The following MLLT10 variants were observed in gnomAD, a reference collection of about 807,000 sequenced individuals.
The protein encoded by MLLT10 is protein AF-10.
MLLT10 carries 30 observed loss-of-function variants against 129.1 expected under a neutral mutation model. The ratio of observed to expected loss-of-function variants is 0.23; its 90% confidence interval spans 0.17 to 0.32. MLLT10 has a LOEUF of 0.32. Among genes scored for constraint, MLLT10 ranks in the 10% least tolerant of loss-of-function variants. The pLI is 1.00. For missense variants in MLLT10, 1,119 were observed against 1,268.3 expected, an observed-to-expected ratio of 0.88 and a Z score of 1.79; for synonymous variants, 490 against 446.4, an observed-to-expected ratio of 1.10 and a Z score of -1.23.
chr10:21,709,949 A>ATGT lies in MLLT10; in HGVS notation c.1700-3820_1700-3818dup, dbSNP rs2055914352. Among the ~76,000 whole-genome samples, 5 of 152,198 alleles carry ATGT rather than the reference A, an allele frequency of 3.3e-5. No homozygotes were observed. In the Middle Eastern group the frequency reaches 0.01, roughly 311 times the overall value. On this transcript the variant is annotated intron_variant, in intron 13 of 22. Transcript: ENST00000307729. Reference sequence around the variant, plus strand: ...TTTTTGGTAGAGATAGGATTTCACCATGTTGCCCAGGCTGGTCCTGGGCTC... The same window carrying ATGT: ...TTTTTGGTAGAGATAGGATTTCACCATGTTGTTGCCCAGGCTGGTCCTGGGCTC...
chr10:21,682,118 A>G (rs2052800589), intron 12 of MLLT10, 107 bp from the exon 13 acceptor site: 10 of 843,052 alleles, frequency 1.2e-5, no homozygotes, highest in Admixed American at 2.9e-5. Context: ...ATGATATATG[A>G]TAGACTTACT....
At chr10:21,682,368 C>T (rs139940302) in intron 13 of MLLT10, 111 bp downstream of exon 13, 115 of 1,002,616 alleles carry the variant, frequency 1.1e-4, no homozygotes, top group Non-Finnish European at 1.5e-4. Flanking sequence ...AAATCCAGTG[C>T]TGCAGTGAGT....
intron 8 of MLLT10, among the ~76,000 whole-genome samples, chr10:21,647,526 A>G (rs1292758203): frequency 6.6e-6 from 1 of 152,072 alleles, no homozygotes; most frequent in Non-Finnish European, 1.5e-5. Context: ...ATATGTTTAC[A>G]TTTTCTCTAG....
chr10:21,697,791 A>G (rs1260934924), intron 13 of MLLT10, among the ~76,000 whole-genome samples: 1 of 152,232 alleles, frequency 6.6e-6, no homozygotes, highest in African/African-American at 2.4e-5. Flanking sequence ...CTAGAAAGGG[A>G]AAGCCAAAGA....
chr10:21,617,207 A>G lies in MLLT10; in HGVS notation c.699A>G (p.Lys233=). 6.7e-7 allele frequency: 1 copy of G among 1,499,256 alleles called. No individual in the cohort carries two copies. Among genetic ancestry groups the G allele is most frequent in the Non-Finnish European group, 9.0e-7 (1 of 1,117,150 alleles). 92.9% of individuals were successfully genotyped at this position (1,499,256 alleles called of 1,614,324 possible). A position where few individuals can be genotyped will look rare whatever the true frequency, so the allele number is the denominator to read the frequency against. Residue 233 remains lysine (K), a splice_region_variant and synonymous_variant, in exon 8 of 23, where the codon AAA becomes AAG. Coordinates refer to ENST00000307729, the MANE Select transcript of MLLT10 (RefSeq NM_001195626.3). The part of the protein sequence containing the change: ...SQDKHHEKEK[K]KYKEKDKHKQ... ...ATAAACATCATGAGAAAGAGAAAAA[A>G]GTAAGTGGATTTGTTGTTGCTAAAT...
Position 21,538,919 on chromosome 10 carries a change from A to C in MLLT10, c.240+7A>C, listed in dbSNP as rs1188199092. ...GGAGAGAGCAGCCAGAGTGGTAAGG[A>C]CTATTTATCAAAAACATTAAACTTT... On this transcript the variant is annotated splice_region_variant and intron_variant, in intron 3 of 22. Coordinates refer to ENST00000307729, the MANE Select transcript of MLLT10 (RefSeq NM_001195626.3). The C allele has an allele frequency of 1.2e-6, 2 of 1,605,226 alleles. No homozygotes were observed. The highest frequency in any genetic ancestry group is 1.7e-6 in the Non-Finnish European group (2 of 1,172,548).
chr10:21,623,544 CA>C (rs1554822316), intron 8 of MLLT10, among the ~76,000 whole-genome samples: 1 of 152,180 alleles, frequency 6.6e-6, no homozygotes, highest in Non-Finnish European at 1.5e-5. Context: ...AATATACACA[CA>C]AAGACACACA....
chr10:21,627,954 G>A (rs2046621520), intron 8 of MLLT10, among the ~76,000 whole-genome samples: 1 of 152,194 alleles, frequency 6.6e-6, no homozygotes, highest in Non-Finnish European at 1.5e-5. Flanking sequence ...CCACAGGCAA[G>A]GTTGTGCCTA....
At chr10:21,694,213 T>G (rs1433322007) in intron 13 of MLLT10, among the ~76,000 whole-genome samples, 1 of 152,216 alleles carries the variant, frequency 6.6e-6, no homozygotes, top group African/African-American at 2.4e-5. Context: ...AGTATAGCTA[T>G]TAAGAACAGA....
intron 3 of MLLT10, among the ~76,000 whole-genome samples, chr10:21,578,844 A>G (rs1196085407): frequency 6.6e-6 from 1 of 152,184 alleles, no homozygotes; most frequent in Non-Finnish European, 1.5e-5. Flanking sequence ...TGTTGGAACT[A>G]TGTATATTAT....
intron 5 of MLLT10, among the ~76,000 whole-genome samples, chr10:21,597,153 A>G (rs2043098951): frequency 6.6e-6 from 1 of 152,170 alleles, no homozygotes; most frequent in African/African-American, 2.4e-5. Context: ...ATTTGAGAGT[A>G]ACTTACCAAT....
At chr10:21,558,503 A>G (rs1461767222) in intron 3 of MLLT10, among the ~76,000 whole-genome samples, 1 of 151,868 alleles carries the variant, frequency 6.6e-6, no homozygotes, top group African/African-American at 2.4e-5. Flanking sequence ...TTGGAGTCAG[A>G]TGAACTAAAT....
chr10:21,660,155 G>C (rs1322032944), intron 9 of MLLT10, among the ~76,000 whole-genome samples: 1 of 151,608 alleles, frequency 6.6e-6, no homozygotes, highest in Non-Finnish European at 1.5e-5. Context: ...TTTTTGTAGA[G>C]ATAAGTTTCG....
At chr10:21,596,696 T>G (rs1389672498) in intron 5 of MLLT10, among the ~76,000 whole-genome samples, 3 of 152,146 alleles carry the variant, frequency 2.0e-5, no homozygotes, top group Admixed American at 2.0e-4. Flanking sequence ...GTTAATTATT[T>G]TAAAGTTTGT....
chr10:21,617,375 T>G (rs2045368302), intron 8 of MLLT10, among the ~76,000 whole-genome samples, 168 bp downstream of exon 8: 1 of 152,166 alleles, frequency 6.6e-6, no homozygotes, highest in African/African-American at 2.4e-5. Flanking sequence ...AATGCCATAT[T>G]TGTGAATATG....
intron 3 of MLLT10, among the ~76,000 whole-genome samples, chr10:21,560,910 C>G (rs2038721894): frequency 6.6e-6 from 1 of 152,040 alleles, no homozygotes; most frequent in Non-Finnish European, 1.5e-5. Context: ...GTCCTTTGCT[C>G]TTTTTGTGTG....
intron 3 of MLLT10, among the ~76,000 whole-genome samples, chr10:21,567,147 T>A (rs1217136012): frequency 3.9e-5 from 6 of 152,202 alleles, no homozygotes; most frequent in Admixed American, 6.5e-5. Flanking sequence ...TAACTTTTGA[T>A]TGAAACCTGG....
At chr10:21,602,634 A>T (rs1252758698) in intron 5 of MLLT10, among the ~76,000 whole-genome samples, 1 of 152,204 alleles carries the variant, frequency 6.6e-6, no homozygotes, top group Non-Finnish European at 1.5e-5. Context: ...AATGTTTTCA[A>T]ATTGGTTTTA....
At position 21,551,348 on chromosome 10, in the gene MLLT10, C is replaced by T. The variant is rs73592583; in HGVS notation, c.240+12436C>T. The stretch of plus-strand genomic sequence containing the variant: ...CACAAATAACTTTTTTATTTCTGTA[C>T]AGGCTTTTTAGCCTGTACACTTTAA... On this transcript the variant is annotated intron_variant, in intron 3 of 22. Coordinates refer to ENST00000307729, the MANE Select transcript of MLLT10 (RefSeq NM_001195626.3). 2.9e-3 allele frequency among the ~76,000 whole-genome samples: 273 copies of T among 93,932 alleles called. 1 individual carries two copies. Among genetic ancestry groups the T allele is most frequent in the African/African-American group, 0.011 (256 of 22,780 alleles). 61.6% of individuals were successfully genotyped at this position (93,932 alleles called of 152,430 possible). A position where few individuals can be genotyped will look rare whatever the true frequency, so the allele number is the denominator to read the frequency against.
Sources: allele counts gnomAD v4.1 joint callset (sites outside exome capture counted in the v4.1 genomes callset), GRCh38; gene constraint gnomAD v4.1.1; transcripts MANE v1.5; gene names NCBI Gene and HGNC (gene_info 2026-07-23, HGNC 2026-07-21).